The following ZNF257 variants were observed in gnomAD, a reference collection of about 807,000 sequenced individuals.
The protein encoded by ZNF257 is bone marrow zinc finger 4.
ZNF257 carries 12 observed loss-of-function variants against 11.9 expected under a neutral mutation model. The observed-to-expected ratio is 1.01, with a 90% CI of 0.65 to 1.63. ZNF257 has a LOEUF of 1.63. Ranked by LOEUF, ZNF257 falls within the 40% of genes most tolerant of loss-of-function variation. The probability of loss-of-function intolerance (pLI) is 0.00; values close to 1 mark genes in which losing one functional copy is unlikely to be tolerated. For missense variants in ZNF257, 580 were observed against 665.5 expected (o/e 0.87, Z 1.41); for synonymous variants, 183 against 222.7 (o/e 0.82, Z 1.59).
chr19:22,078,978 G>T (rs2022297321), intron 3 of ZNF257, among the ~76,000 whole-genome samples: 1 of 151,976 alleles, frequency 6.6e-6, no homozygotes, highest in Admixed American at 6.6e-5. Context: ...TTTTAGTAGA[G>T]ACGGGGTTTC....
rs139384201 is a variant in ZNF257 at position 22,079,899 on chromosome 19, C to G, written c.226+6335C>G. On this transcript the variant is annotated intron_variant, in intron 3 of 3. Transcript: ENST00000594947. Reference sequence around the variant, plus strand: ...ATATTTAGTTTTATATACTTTTGGACTTGCCAGTTTTGCTTTTAATTCCTA... The same window carrying G: ...ATATTTAGTTTTATATACTTTTGGAGTTGCCAGTTTTGCTTTTAATTCCTA... Among the ~76,000 whole-genome samples the G allele has an allele frequency of 2.5e-3, 386 of 152,238 alleles. 3 individuals carry two copies. The highest frequency in any genetic ancestry group is 9.0e-3 in the African/African-American group (373 of 41,504).
At chr19:22,059,025 A>C (rs2021720665) in intron 1 of ZNF257, among the ~76,000 whole-genome samples, 1 of 152,096 alleles carries the variant, frequency 6.6e-6, no homozygotes, top group African/African-American at 2.4e-5. Flanking sequence ...ACCTGTTCGT[A>C]ATCTCATCTG....
Position 22,073,467 on chromosome 19 carries a change from A to G in ZNF257, c.131-2A>G. ...TGCGTGTTACTTATTTTTAAAAAACAGGTATTGCTGTCTCTAAGCCAGACC... is the reference window on the plus strand; with the variant it reads ...TGCGTGTTACTTATTTTTAAAAAACGGGTATTGCTGTCTCTAAGCCAGACC... On this transcript the variant is annotated splice_acceptor_variant, in intron 2 of 3. Transcript: ENST00000594947. LOFTEE classifies it high-confidence loss of function. The G allele has an allele frequency of 6.2e-7, 1 of 1,602,752 alleles. No individual in the cohort carries two copies. The highest frequency in any genetic ancestry group is 8.5e-7 in the Non-Finnish European group (1 of 1,176,120).
chr19:22,059,004 G>T (rs1383521651), intron 1 of ZNF257, among the ~76,000 whole-genome samples: 1 of 151,992 alleles, frequency 6.6e-6, no homozygotes. Context: ...ACCAACCTAG[G>T]GTTCTGGACC....
At chr19:22,076,316 A>C (rs1453690368) in intron 3 of ZNF257, among the ~76,000 whole-genome samples, 2 of 150,568 alleles carry the variant, frequency 1.3e-5, no homozygotes, top group African/African-American at 2.4e-5. Context: ...TATTAATTAC[A>C]TATATATTTT....
At chr19:22,082,470 C>T (rs991978032) in intron 3 of ZNF257, among the ~76,000 whole-genome samples, 3 of 152,150 alleles carry the variant, frequency 2.0e-5, no homozygotes, top group South Asian at 2.1e-4. Flanking sequence ...CACTGTGCCT[C>T]GCCACCATGT....
intron 3 of ZNF257, among the ~76,000 whole-genome samples, chr19:22,076,205 C>T (rs979523840): frequency 5.3e-5 from 8 of 151,062 alleles, no homozygotes; most frequent in Admixed American, 3.3e-4. Flanking sequence ...TAAACAATAA[C>T]ATAATTTATT....
At chr19:22,057,722 G>GA in intron 1 of ZNF257, among the ~76,000 whole-genome samples, 1 of 152,168 alleles carries the variant, frequency 6.6e-6, no homozygotes, top group Non-Finnish European at 1.5e-5. Context: ...AGATTAAAAA[G>GA]AAAGTGTGAG....
chr19:22,082,331 A>G (rs1019016236), intron 3 of ZNF257, among the ~76,000 whole-genome samples: 2 of 152,122 alleles, frequency 1.3e-5, no homozygotes, highest in African/African-American at 4.8e-5. Context: ...TTTTCAGCAT[A>G]ATGGACTCGT....
intron 3 of ZNF257, among the ~76,000 whole-genome samples, chr19:22,078,659 G>A (rs918820309): frequency 4.0e-5 from 6 of 151,726 alleles, no homozygotes; most frequent in South Asian, 2.1e-4. Context: ...CAAGCGTCAT[G>A]TTTTTCTTCT....
chr19:22,071,136 T>G (rs1027109852), intron 1 of ZNF257, among the ~76,000 whole-genome samples: 6 of 152,146 alleles, frequency 3.9e-5, no homozygotes, highest in South Asian at 2.1e-4. Flanking sequence ...TCACAGGGCA[T>G]GTTCTGTTTG....
In ZNF257 at chr19:22,089,111, C is replaced by G; in HGVS notation, c.1361C>G (p.Thr454Ser). 1.2e-6 allele frequency: 2 copies of G among 1,613,812 alleles called. No homozygotes were observed. Among genetic ancestry groups the G allele is most frequent in the Non-Finnish European group, 1.7e-6 (2 of 1,179,894 alleles). Reference protein sequence around the residue: ...SYLIRHKIIHTGEKPYKCEEC... With the variant: ...SYLIRHKIIHSGEKPYKCEEC... ...CTTATTCGACATAAGATAATTCATA[C>G]TGGAGAGAAACCCTACAAATGTGAA... Residue 454 changes from threonine to serine, a missense_variant, in exon 4 of 4, where the codon ACT becomes AGT. By Grantham distance (58) the Thr-to-Ser change is moderately conservative. Coordinates refer to ENST00000594947, the MANE Select transcript of ZNF257 (RefSeq NM_033468.4).
At chr19:22,060,622 A>T (rs1316316253) in intron 1 of ZNF257, 1 of 151,730 alleles carries the variant, frequency 6.6e-6, no homozygotes, top group Non-Finnish European at 1.5e-5. Flanking sequence ...AGTAGCTGGG[A>T]TTACAGGTGC....
intron 1 of ZNF257, among the ~76,000 whole-genome samples, chr19:22,054,949 A>G (rs943622090): frequency 4.1e-5 from 6 of 145,260 alleles, no homozygotes; most frequent in African/African-American, 1.6e-4. Flanking sequence ...TTATAGCACA[A>G]CCTGAGTTAT....
intron 1 of ZNF257, among the ~76,000 whole-genome samples, chr19:22,063,780 T>C (rs117353448): frequency 7.2e-5 from 11 of 152,364 alleles, no homozygotes; most frequent in Non-Finnish European, 1.5e-4. Flanking sequence ...TCTAATTGTG[T>C]GGTAAATGTT....
intron 1 of ZNF257, among the ~76,000 whole-genome samples, chr19:22,069,123 G>A (rs1026865746): frequency 5.9e-5 from 9 of 152,106 alleles, no homozygotes; most frequent in Non-Finnish European, 7.3e-5. Flanking sequence ...GATTCGAACA[G>A]TTAAACTAAA....
intron 1 of ZNF257, among the ~76,000 whole-genome samples, chr19:22,069,353 G>A (rs1052629882): frequency 1.3e-5 from 2 of 152,120 alleles, no homozygotes; most frequent in African/African-American, 4.8e-5. Flanking sequence ...GGTGGCTTAC[G>A]CCTGTAATCC....
chr19:22,059,576 G>A (rs758095143), intron 1 of ZNF257, among the ~76,000 whole-genome samples: 3 of 149,746 alleles, frequency 2.0e-5, no homozygotes, highest in Non-Finnish European at 4.4e-5. Context: ...CTCTACATTA[G>A]TTTTCTAAGA....
intron 3 of ZNF257, among the ~76,000 whole-genome samples, chr19:22,078,983 G>T (rs1317174279): frequency 6.6e-6 from 1 of 151,730 alleles, no homozygotes; most frequent in Non-Finnish European, 1.5e-5. Context: ...GTAGAGACGG[G>T]GTTTCTCCAT....
Sources: allele counts gnomAD v4.1 joint callset (sites outside exome capture counted in the v4.1 genomes callset), GRCh38; gene constraint gnomAD v4.1.1; transcripts MANE v1.5; gene names NCBI Gene and HGNC (gene_info 2026-07-23, HGNC 2026-07-21).